The following RBPMS variants were observed in gnomAD, a reference collection of about 807,000 sequenced individuals.
RBPMS encodes the protein RNA-binding protein with multiple splicing.
A neutral mutation model predicts 26.8 loss-of-function variants in RBPMS; 7 were observed. The observed-to-expected ratio is 0.26, with a 90% CI of 0.15 to 0.49. The LOEUF (loss-of-function observed/expected upper bound fraction) is 0.49, where lower values mean the gene tolerates loss of function less well. Among genes scored for constraint, RBPMS ranks in the 20% least tolerant of loss-of-function variants. The pLI, the probability that RBPMS is intolerant of heterozygous loss-of-function variation, is 0.98. For missense variants in RBPMS, 186 were observed against 250.0 expected (o/e 0.74, Z 1.73); for synonymous variants, 96 against 93.3 (o/e 1.03, Z -0.17).
chr8:30,529,866 G>A (rs961695187), intron 5 of RBPMS, among the ~76,000 whole-genome samples: 1 of 151,414 alleles, frequency 6.6e-6, no homozygotes, highest in African/African-American at 2.4e-5. Flanking sequence ...CGATTCTGCT[G>A]CCTCAGTCTC....
rs574422801 is a variant in RBPMS at position 30,545,381 on chromosome 8, G to A, written c.528+757G>A. On this transcript the variant is annotated intron_variant, in intron 6 of 8. Transcript: ENST00000397323. ...CTTAGCTTCGCTTTTAGTGCAAGTG[G>A]TAGTAATCAGTGTAAAGATTCACCT... The A allele has an allele frequency of 1.6e-4, 180 of 1,136,032 alleles. 4 individuals are homozygous for A. In the South Asian group the frequency reaches 3.6e-3, roughly 23 times the overall value. The allele number at this position is 1,136,032 out of a possible 1,614,324, so 70.4% of individuals were successfully genotyped here. A position where few individuals can be genotyped will look rare whatever the true frequency, so the allele number is the denominator to read the frequency against.
At chr8:30,484,704 T>G (rs1818610589) in intron 4 of RBPMS, among the ~76,000 whole-genome samples, 1 of 152,214 alleles carries the variant, frequency 6.6e-6, no homozygotes, top group Non-Finnish European at 1.5e-5. Context: ...AGCTTTAATT[T>G]GTAAGAAAAT....
chr8:30,540,485 C>G (rs1370151928), intron 5 of RBPMS, among the ~76,000 whole-genome samples: 1 of 152,132 alleles, frequency 6.6e-6, no homozygotes, highest in Non-Finnish European at 1.5e-5. Flanking sequence ...TGTAGTGGCA[C>G]AGTCAGAGCG....
intron 1 of RBPMS, among the ~76,000 whole-genome samples, chr8:30,450,807 AAAAGT>A: frequency 7.1e-6 from 1 of 140,472 alleles, no homozygotes; most frequent in African/African-American, 2.5e-5. Context: ...AAAAAAAAAA[AAAAGT>A]GTGTTTTTGA....
intron 1 of RBPMS, among the ~76,000 whole-genome samples, chr8:30,419,377 C>G (rs535211479): frequency 6.6e-5 from 10 of 151,600 alleles, no homozygotes; most frequent in Non-Finnish European, 1.2e-4. Context: ...AACTGGGAGG[C>G]AGAGGTAGCA....
chr8:30,393,092 T>G (rs1056265591), intron 1 of RBPMS, among the ~76,000 whole-genome samples: 3 of 152,040 alleles, frequency 2.0e-5, no homozygotes, highest in Non-Finnish European at 4.4e-5. Context: ...TTGAAAATAA[T>G]CAAGAAAAAT....
rs141360146 is a variant in RBPMS, at chr8:30,416,601, G to A, written c.66+31443G>A. Reference sequence around the variant, plus strand: ...GGGTTCATGCCATTCTCCTGCCTCAGCCTCCCGAGTAGCTGGGATGTGCCA... The same window carrying A: ...GGGTTCATGCCATTCTCCTGCCTCAACCTCCCGAGTAGCTGGGATGTGCCA... On this transcript the variant is annotated intron_variant, in intron 1 of 8. Transcript: ENST00000397323. 7.7e-3 allele frequency among the ~76,000 whole-genome samples: 1,178 copies of A among 152,228 alleles called. 16 individuals are homozygous for A. The highest frequency in any genetic ancestry group is 0.026 in the African/African-American group (1,092 of 41,532).
chr8:30,568,205 G>T (rs1828027417), intron 8 of RBPMS, among the ~76,000 whole-genome samples: 1 of 152,198 alleles, frequency 6.6e-6, no homozygotes, highest in Non-Finnish European at 1.5e-5. Flanking sequence ...GCCACATGAT[G>T]GCCCATGTTT....
intron 7 of RBPMS, chr8:30,565,889 T>C (rs1827853205): frequency 6.6e-6 from 1 of 152,276 alleles, no homozygotes; most frequent in African/African-American, 2.4e-5. Context: ...CCACAGCCCT[T>C]GGGATGCAAC....
chr8:30,451,055 T>C (rs1814528248), intron 1 of RBPMS, among the ~76,000 whole-genome samples: 1 of 152,162 alleles, frequency 6.6e-6, no homozygotes, highest in African/African-American at 2.4e-5. Flanking sequence ...ATGTAATTAC[T>C]TTGCATGCCA....
At chr8:30,484,443 C>G (rs573064264) in intron 4 of RBPMS, among the ~76,000 whole-genome samples, 1 of 152,228 alleles carries the variant, frequency 6.6e-6, no homozygotes, top group African/African-American at 2.4e-5. Context: ...TCATATTACT[C>G]TTTTAATAAG....
chr8:30,434,401 TAAG>T, intron 1 of RBPMS, among the ~76,000 whole-genome samples: 1 of 151,816 alleles, frequency 6.6e-6, no homozygotes, highest in South Asian at 2.1e-4. Flanking sequence ...ACAAAAGAAA[TAAG>T]AACAAAAAAG....
At position 30,462,174 on chromosome 8, in the gene RBPMS, T is replaced by C. The variant is rs192746280; in HGVS notation, c.67-12605T>C. On this transcript the variant is annotated intron_variant, in intron 1 of 8. Transcript: ENST00000397323. ...GCTAGATTGTTTGGAAATTGTGTAG[T>C]TTGATTAGAACCTGTTTTCTAGTGT... 3.3e-5 allele frequency among the ~76,000 whole-genome samples: 5 copies of C among 152,284 alleles called. No homozygotes were observed. In the East Asian group the frequency reaches 9.6e-4, roughly 29 times the overall value.
intron 4 of RBPMS, among the ~76,000 whole-genome samples, chr8:30,503,339 C>T (rs1820753966): frequency 6.6e-6 from 1 of 152,250 alleles, no homozygotes; most frequent in African/African-American, 2.4e-5. Context: ...TACCCTCTGC[C>T]TCATGGGCTC....
intron 1 of RBPMS, among the ~76,000 whole-genome samples, chr8:30,443,684 T>A (rs1813393444): frequency 6.6e-6 from 1 of 151,994 alleles, no homozygotes; most frequent in African/African-American, 2.4e-5. Context: ...AACCTCTGCC[T>A]CCCAGGTTCA....
intron 1 of RBPMS, among the ~76,000 whole-genome samples, chr8:30,446,492 C>A (rs1365111903): frequency 6.6e-6 from 1 of 152,158 alleles, no homozygotes; most frequent in Non-Finnish European, 1.5e-5. Flanking sequence ...GCATTAGAAT[C>A]CCTAATAGTG....
chr8:30,467,352 G>A (rs1438841867), intron 1 of RBPMS, among the ~76,000 whole-genome samples: 1 of 152,194 alleles, frequency 6.6e-6, no homozygotes, highest in African/African-American at 2.4e-5. Flanking sequence ...GTTAACCAGT[G>A]TGTAAAATTT....
chr8:30,536,546 C>T (rs1003225427), intron 5 of RBPMS, among the ~76,000 whole-genome samples: 4 of 152,190 alleles, frequency 2.6e-5, no homozygotes, highest in African/African-American at 9.7e-5. Flanking sequence ...GCTCCCTTTC[C>T]TCCCTCACCA....
intron 5 of RBPMS, among the ~76,000 whole-genome samples, chr8:30,536,844 C>G (rs1434768805): frequency 1.3e-5 from 2 of 152,108 alleles, no homozygotes; most frequent in Admixed American, 6.5e-5. Flanking sequence ...ACCCAGGTCT[C>G]TAGCAGAGTG....
Sources: gnomAD v4.1 joint callset for allele counts (sites outside exome capture counted in the v4.1 genomes callset) on GRCh38, gnomAD v4.1.1 for gene constraint, MANE v1.5 for transcripts, NCBI Gene and HGNC (gene_info 2026-07-23, HGNC 2026-07-21) for gene names.